Variants in CDH12 observed in about 807,000 individuals in gnomAD.
CDH12 encodes cadherin-12.
CDH12 carries 41 observed loss-of-function variants against 74.1 expected under a neutral mutation model. The observed-to-expected ratio is 0.55, with a 90% CI of 0.43 to 0.72. CDH12 has a LOEUF of 0.72. CDH12 is among the 30% of genes least tolerant of loss of function. CDH12 has a pLI of 0.00. For missense variants in CDH12, 945 were observed against 977.2 expected (o/e 0.97, Z 0.44); for synonymous variants, 399 against 355.0 (o/e 1.12, Z -1.39).
intron 1 of CDH12, among the ~76,000 whole-genome samples, chr5:22,605,504 A>C (rs2126818464): frequency 6.6e-6 from 1 of 152,280 alleles, no homozygotes; most frequent in South Asian, 2.1e-4. Flanking sequence ...GGGCTCCCTT[A>C]GAATTCTGTT....
chr5:22,200,584 T>C (rs1436186184), intron 4 of CDH12, among the ~76,000 whole-genome samples: 1 of 152,182 alleles, frequency 6.6e-6, no homozygotes. Context: ...TGGAAATGCA[T>C]TAAACAGATT....
chr5:22,279,980 T>C (rs1736805546), intron 3 of CDH12, among the ~76,000 whole-genome samples: 1 of 152,190 alleles, frequency 6.6e-6, no homozygotes, highest in Non-Finnish European at 1.5e-5. Context: ...TGAACTAGTT[T>C]ACAGTCCCAC....
At chr5:21,869,273 G>A (rs901007335) in intron 6 of CDH12, among the ~76,000 whole-genome samples, 8 of 152,102 alleles carry the variant, frequency 5.3e-5, no homozygotes, top group African/African-American at 1.9e-4. Context: ...TATGATTAAG[G>A]TCAATGGGAA....
At chr5:22,124,623 T>C (rs1745736222) in intron 4 of CDH12, among the ~76,000 whole-genome samples, 1 of 152,250 alleles carries the variant, frequency 6.6e-6, no homozygotes, top group Non-Finnish European at 1.5e-5. Context: ...TTCCTCTTTA[T>C]GTTGCTTTCC....
At chr5:22,836,223 C>CTTTTTTTTTTT (rs61616737) in intron 1 of CDH12, among the ~76,000 whole-genome samples, 1,826 of 65,458 alleles carry the variant, frequency 0.028, 450 homozygotes, top group African/African-American at 0.087. Flanking sequence ...CTTTCTTTCT[C>CTTTTTTTTTTT]TTTTTTTTTT....
chr5:22,419,520 T>C (rs1743546344), intron 2 of CDH12, among the ~76,000 whole-genome samples: 1 of 152,216 alleles, frequency 6.6e-6, no homozygotes, highest in African/African-American at 2.4e-5. Flanking sequence ...ATGGTGTATA[T>C]GTACCACATT....
chr5:22,132,068 C>A (rs962076434), intron 4 of CDH12, among the ~76,000 whole-genome samples: 1 of 152,010 alleles, frequency 6.6e-6, no homozygotes, highest in African/African-American at 2.4e-5. Flanking sequence ...TTTTTTTATA[C>A]TACTATTTCA....
intron 2 of CDH12, among the ~76,000 whole-genome samples, chr5:22,424,002 CA>C (rs1165781089): frequency 0.2 from 6,046 of 30,998 alleles, 20 homozygotes; most frequent in South Asian, 0.25. Context: ...GACTCTGTCT[CA>C]AAAAAAAAAA....
At chr5:22,649,997 T>G (rs989116843) in intron 1 of CDH12, among the ~76,000 whole-genome samples, 13 of 152,044 alleles carry the variant, frequency 8.6e-5, no homozygotes, top group Non-Finnish European at 1.6e-4. Context: ...TGTGCACATG[T>G]GCATGGGTGT....
At chr5:22,224,974 C>A (rs1348132131) in intron 3 of CDH12, among the ~76,000 whole-genome samples, 1 of 151,620 alleles carries the variant, frequency 6.6e-6, no homozygotes, top group Non-Finnish European at 1.5e-5. Context: ...AAATGCAAAC[C>A]CTTTCAAAAA....
chr5:21,767,419 C>A (rs979056087), intron 11 of CDH12, among the ~76,000 whole-genome samples: 1 of 151,574 alleles, frequency 6.6e-6, no homozygotes, highest in African/African-American at 2.4e-5. Flanking sequence ...AAAATAGATT[C>A]TAATATCTGT....
chr5:22,116,771 T>TA (rs2150267766), intron 4 of CDH12, among the ~76,000 whole-genome samples: 1 of 151,886 alleles, frequency 6.6e-6, no homozygotes, highest in African/African-American at 2.4e-5. Context: ...TTTAAGCCAC[T>TA]ACATTGGTGA....
At chr5:22,345,330 G>T (rs562239797) in intron 3 of CDH12, among the ~76,000 whole-genome samples, 8 of 151,994 alleles carry the variant, frequency 5.3e-5, no homozygotes, top group African/African-American at 1.4e-4. Context: ...TGTAACTGTC[G>T]AGTTGGTCCT....
At chr5:21,985,600 T>C (rs1333855279) in intron 5 of CDH12, among the ~76,000 whole-genome samples, 1 of 152,062 alleles carries the variant, frequency 6.6e-6, no homozygotes, top group Non-Finnish European at 1.5e-5. Flanking sequence ...GGTTTACTCA[T>C]TTAAACCAGT....
intron 5 of CDH12, among the ~76,000 whole-genome samples, chr5:22,036,107 T>C (rs1396263722): frequency 6.6e-6 from 1 of 152,230 alleles, no homozygotes. Context: ...GTATGATTGC[T>C]GCACTGAACT....
At chr5:21,956,348 T>G (rs1436632647) in intron 6 of CDH12, among the ~76,000 whole-genome samples, 2 of 151,980 alleles carry the variant, frequency 1.3e-5, no homozygotes, top group South Asian at 4.1e-4. Flanking sequence ...ATTAATAAAC[T>G]GGAAATTTGA....
intron 3 of CDH12, among the ~76,000 whole-genome samples, chr5:22,263,255 T>C (rs537289548): frequency 1.3e-5 from 2 of 152,172 alleles, no homozygotes; most frequent in African/African-American, 2.4e-5. Context: ...CTCAAGATTC[T>C]TCCTGCTAAT....
At chr5:22,121,265 AAGATAG>A (rs1745496913) in intron 4 of CDH12, among the ~76,000 whole-genome samples, 1 of 152,270 alleles carries the variant, frequency 6.6e-6, no homozygotes, top group East Asian at 1.9e-4. Context: ...ATGGCCTTGG[AAGATAG>A]AGATAATATC....
chr5:22,374,004 G>A (rs73058144), intron 3 of CDH12, among the ~76,000 whole-genome samples: 3,778 of 152,116 alleles, frequency 0.025, 58 homozygotes, highest in African/African-American at 0.042. Flanking sequence ...TAAGGATACA[G>A]CAACAAAGAA....
Sources: gnomAD v4.1 joint callset for allele counts (sites outside exome capture counted in the v4.1 genomes callset) on GRCh38, gnomAD v4.1.1 for gene constraint, MANE v1.5 for transcripts, NCBI Gene and HGNC (gene_info 2026-07-23, HGNC 2026-07-21) for gene names.